The following PARD3B variants were observed in gnomAD, a reference collection of about 807,000 sequenced individuals.
PARD3B encodes the protein par-3 family cell polarity regulator beta.
Under a neutral mutation model 130.2 loss-of-function variants are expected in PARD3B, and 103 were observed. The observed-to-expected ratio is 0.79, with a 90% CI of 0.67 to 0.93. The LOEUF (loss-of-function observed/expected upper bound fraction) is 0.93. PARD3B is among the 40% of genes least tolerant of loss of function. The pLI, the probability that PARD3B is intolerant of heterozygous loss-of-function variation, is 0.00. For synonymous variants in PARD3B, 583 were observed against 553.2 expected, an observed-to-expected ratio of 1.05 and a Z score of -0.76; for missense variants, 1,609 against 1,499.2, an observed-to-expected ratio of 1.07 and a Z score of -1.21.
chr2:204,660,370 C>T (rs938102202), intron 1 of PARD3B, among the ~76,000 whole-genome samples: 3 of 152,092 alleles, frequency 2.0e-5, no homozygotes, highest in East Asian at 1.9e-4. Context: ...ATTGTCCTCC[C>T]GACTCCAGCC....
At chr2:205,227,584 T>C (rs1399243410) in intron 15 of PARD3B, among the ~76,000 whole-genome samples, 1 of 152,162 alleles carries the variant, frequency 6.6e-6, no homozygotes, top group Admixed American at 6.5e-5. Flanking sequence ...TTAGGTGAAG[T>C]GTATTTCTTA....
chr2:204,978,965 CAA>C (rs34432147), intron 3 of PARD3B, among the ~76,000 whole-genome samples: 68 of 74,910 alleles, frequency 9.1e-4, no homozygotes, highest in Admixed American at 1.3e-3. Context: ...ACCCTGGCCT[CAA>C]AAAAAAAAAA....
chr2:205,430,417 C>T (rs1364862816), intron 19 of PARD3B, among the ~76,000 whole-genome samples: 9 of 152,290 alleles, frequency 5.9e-5, no homozygotes, highest in Middle Eastern at 3.4e-3. Context: ...ATATGATAAA[C>T]GTTAGTCACG....
At chr2:204,953,648 A>T (rs1690001434) in intron 2 of PARD3B, among the ~76,000 whole-genome samples, 1 of 152,196 alleles carries the variant, frequency 6.6e-6, no homozygotes, top group Admixed American at 6.5e-5. Flanking sequence ...CAAAAGTGGT[A>T]AAGTACAAAA....
At chr2:205,516,891 G>T (rs951271334) in intron 21 of PARD3B, among the ~76,000 whole-genome samples, 2 of 151,946 alleles carry the variant, frequency 1.3e-5, no homozygotes, top group African/African-American at 4.8e-5. Flanking sequence ...GTATAATATT[G>T]GTTGTATGTT....
intron 3 of PARD3B, among the ~76,000 whole-genome samples, chr2:204,979,317 C>T (rs976136415): frequency 4.6e-5 from 7 of 152,224 alleles, no homozygotes; most frequent in East Asian, 1.9e-4. Context: ...GGGATGAAGG[C>T]GGGCAACCAG....
chr2:205,324,103 G>T (rs964941530), intron 18 of PARD3B, among the ~76,000 whole-genome samples: 3 of 152,066 alleles, frequency 2.0e-5, no homozygotes, highest in African/African-American at 7.2e-5. Context: ...TTTGTCAGGG[G>T]CTTTACAGTG....
intron 5 of PARD3B, among the ~76,000 whole-genome samples, chr2:205,106,183 T>C (rs541622494): frequency 2.6e-5 from 4 of 152,230 alleles, no homozygotes; most frequent in East Asian, 1.9e-4. Flanking sequence ...GTTTTGCTCT[T>C]GTTACCCAGG....
intron 2 of PARD3B, among the ~76,000 whole-genome samples, chr2:204,716,380 A>G (rs534452995): frequency 1.3e-5 from 2 of 152,158 alleles, no homozygotes; most frequent in East Asian, 1.9e-4. Context: ...CGATTTGTAT[A>G]TACATGAAAA....
intron 2 of PARD3B, among the ~76,000 whole-genome samples, chr2:204,823,019 C>T (rs1206237725): frequency 6.6e-6 from 1 of 152,120 alleles, no homozygotes; most frequent in Non-Finnish European, 1.5e-5. Context: ...TCAAGTTGCT[C>T]ATCATTTCCC....
At chr2:205,062,447 C>T (rs1700117914) in intron 4 of PARD3B, among the ~76,000 whole-genome samples, 2 of 152,116 alleles carry the variant, frequency 1.3e-5, no homozygotes, top group Admixed American at 1.3e-4. Flanking sequence ...TCCCCGCTCC[C>T]ACCCAAACCC....
In PARD3B at chr2:204,678,447, C is replaced by CGGACT. The variant is rs558808950; in HGVS notation, c.121-7733_121-7729dup. Among the ~76,000 whole-genome samples the CGGACT allele has an allele frequency of 1.1e-3, 173 of 152,194 alleles. No individual in the cohort carries two copies. The highest frequency in any genetic ancestry group is 4.0e-3 in the African/African-American group (168 of 41,518). On this transcript the variant is annotated intron_variant, in intron 1 of 22. Coordinates refer to ENST00000406610, the MANE Select transcript of PARD3B (RefSeq NM_001302769.2). The surrounding 1 kb of genome is among the most constrained non-coding windows in gnomAD (Gnocchi z 4.2). Reference sequence around the variant, plus strand: ...GGCATCCAGGAAGAATCAGGTCACACGGACTTGAAGGATGTTGAATGCAGA... The same window carrying CGGACT: ...GGCATCCAGGAAGAATCAGGTCACACGGACTGGACTTGAAGGATGTTGAATGCAGA...
rs1233481296 is a variant in PARD3B, at chr2:205,125,726, C to T, written c.1423C>T (p.Pro475Ser). The T allele has an allele frequency of 6.2e-7, 1 of 1,613,942 alleles. No homozygotes were observed. Among genetic ancestry groups the T allele is most frequent in the African/African-American group, 1.3e-5 (1 of 74,912 alleles). The change falls in exon 10 of 23, where the codon CCC becomes TCC. Residue 475 changes from proline to serine, a missense_variant. Physicochemically the swap from Pro to Ser is moderately conservative, Grantham distance 74 (BLOSUM62 -1). Coordinates refer to ENST00000406610, the MANE Select transcript of PARD3B (RefSeq NM_001302769.2). The surrounding 1 kb of genome is among the most constrained non-coding windows in gnomAD (Gnocchi z 4.0). The stretch of plus-strand genomic sequence containing the variant: ...TGCCCGCCAAGAAGGACATTTTCTG[C>T]CCCGAGAGTTGGTAATGTTCAGATC... The part of the protein sequence containing the change: ...VIARQEGHFL[P>S]RELKGEPDCC...
intron 21 of PARD3B, among the ~76,000 whole-genome samples, chr2:205,507,436 G>A (rs1350085035): frequency 2.0e-5 from 3 of 151,656 alleles, no homozygotes; most frequent in Admixed American, 6.6e-5. Flanking sequence ...GAATGGTCTC[G>A]ATCTCCTGAC....
intron 22 of PARD3B, among the ~76,000 whole-genome samples, chr2:205,594,976 A>T (rs868609715): frequency 1.3e-5 from 2 of 152,242 alleles, no homozygotes; most frequent in Non-Finnish European, 1.5e-5. Context: ...TCGAACTCAG[A>T]AAATATTGAG....
intron 5 of PARD3B, among the ~76,000 whole-genome samples, chr2:205,111,590 A>T (rs1703650459): frequency 6.6e-6 from 1 of 152,068 alleles, no homozygotes; most frequent in Non-Finnish European, 1.5e-5. Flanking sequence ...ATAGAAAAGA[A>T]CATGAGAATT....
chr2:205,417,175 T>C (rs113212029), intron 19 of PARD3B, among the ~76,000 whole-genome samples: 12,200 of 149,138 alleles, frequency 0.082, 1,531 homozygotes, highest in African/African-American at 0.27. Context: ...TGAGAACATG[T>C]AGTGTTTGGT....
chr2:205,555,785 G>A lies in PARD3B; in HGVS notation c.3260+2382G>A, dbSNP rs572211537. Among the ~76,000 whole-genome samples, 21 of 152,260 alleles carry A rather than the reference G, an allele frequency of 1.4e-4. No individual in the cohort carries two copies. In the East Asian group the frequency reaches 3.5e-3, roughly 25 times the overall value. ...GGCAGCCATGGTGGAGAATAAATAG[G>A]GCTCAGATAAATGCAAGGGGGACCC... is the stretch of plus-strand genomic sequence containing the variant. On this transcript the variant is annotated intron_variant, in intron 22 of 22. Transcript: ENST00000406610.
chr2:205,297,455 G>A (rs573537501), intron 16 of PARD3B, among the ~76,000 whole-genome samples: 1 of 152,240 alleles, frequency 6.6e-6, no homozygotes, highest in South Asian at 2.1e-4. Context: ...TACAGGGAGG[G>A]TATTTTATTC....
Sources: gnomAD v4.1 joint callset for allele counts (sites outside exome capture counted in the v4.1 genomes callset) on GRCh38, gnomAD v4.1.1 for gene constraint, Gnocchi (gnomAD v3.1) non-coding constraint, MANE v1.5 for transcripts, NCBI Gene and HGNC (gene_info 2026-07-23, HGNC 2026-07-21) for gene names.